The following ZBTB16 variants were observed in gnomAD, a reference collection of about 807,000 sequenced individuals.
ZBTB16 encodes the protein zinc finger and BTB domain containing 16.
In ZBTB16, 8 loss-of-function variants were observed where a neutral mutation model predicts 56.8. The ratio of observed to expected loss-of-function variants is 0.14; its 90% CI spans 0.08 to 0.25. ZBTB16 has a LOEUF of 0.25. Among genes scored for constraint, ZBTB16 ranks in the 10% least tolerant of loss-of-function variants. The pLI, the probability that ZBTB16 is intolerant of heterozygous loss-of-function variation, is 1.00. For synonymous variants in ZBTB16, 363 were observed against 368.5 expected, an observed-to-expected ratio of 0.98 and a Z score of 0.17; for missense variants, 625 against 903.0, an observed-to-expected ratio of 0.69 and a Z score of 3.95.
At chr11:114,085,481 C>T (rs1490269145) in intron 2 of ZBTB16, among the ~76,000 whole-genome samples, 2 of 150,216 alleles carry the variant, frequency 1.3e-5, no homozygotes, top group Admixed American at 6.7e-5. Context: ...ACAGAAATGA[C>T]AGCCATATGT....
chr11:114,199,864 C>T (rs1249135186), intron 4 of ZBTB16, among the ~76,000 whole-genome samples: 3 of 152,266 alleles, frequency 2.0e-5, no homozygotes, highest in Non-Finnish European at 4.4e-5. Context: ...CACGGTGGCT[C>T]ACACCTGTAA....
chr11:114,088,035 G>A (rs1234481386), intron 2 of ZBTB16, among the ~76,000 whole-genome samples: 2 of 151,950 alleles, frequency 1.3e-5, no homozygotes, highest in Non-Finnish European at 2.9e-5. Context: ...TCTCCTTGCA[G>A]CATCCTTTCC....
intron 2 of ZBTB16, among the ~76,000 whole-genome samples, chr11:114,065,424 T>C (rs1421013469): frequency 6.6e-6 from 1 of 151,164 alleles, no homozygotes; most frequent in African/African-American, 2.4e-5. Context: ...ATGTCCTTCT[T>C]TTTTTTTTGG....
chr11:114,105,623 A>G (rs1442323278), intron 2 of ZBTB16, among the ~76,000 whole-genome samples: 3 of 152,294 alleles, frequency 2.0e-5, no homozygotes, highest in Admixed American at 6.5e-5. Context: ...TTTTAGTTTC[A>G]TTTGAGACAG....
chr11:114,093,615 T>G (rs1409331156), intron 2 of ZBTB16, among the ~76,000 whole-genome samples: 14 of 152,194 alleles, frequency 9.2e-5, no homozygotes, highest in Admixed American at 2.6e-4. Context: ...CCTCCGAGGC[T>G]CTGTTTACCA....
intron 2 of ZBTB16, among the ~76,000 whole-genome samples, chr11:114,155,352 A>C (rs1332059681): frequency 6.6e-6 from 1 of 152,182 alleles, no homozygotes; most frequent in Non-Finnish European, 1.5e-5. Flanking sequence ...GGCAGCTTGG[A>C]GCCTCTCCCC....
chr11:114,080,153 C>T (rs1416952654), intron 2 of ZBTB16, among the ~76,000 whole-genome samples: 1 of 152,120 alleles, frequency 6.6e-6, no homozygotes, highest in Non-Finnish European at 1.5e-5. Context: ...TCTGACTCTG[C>T]CTCTTTGGAA....
chr11:114,214,297 C>T (rs1293277376), intron 4 of ZBTB16, among the ~76,000 whole-genome samples: 1 of 152,020 alleles, frequency 6.6e-6, no homozygotes, highest in Non-Finnish European at 1.5e-5. Flanking sequence ...GGAGATGGGA[C>T]TTGAAGTTTT....
intron 3 of ZBTB16, among the ~76,000 whole-genome samples, chr11:114,179,160 A>G (rs1943187356): frequency 6.6e-6 from 1 of 152,150 alleles, no homozygotes; most frequent in African/African-American, 2.4e-5. Flanking sequence ...CCTTTCAGCC[A>G]GGATTTGCTC....
intron 3 of ZBTB16, among the ~76,000 whole-genome samples, chr11:114,183,132 C>T (rs929659977): frequency 3.3e-5 from 5 of 152,050 alleles, no homozygotes; most frequent in African/African-American, 9.7e-5. Flanking sequence ...TCCGGGTGGG[C>T]GTGGGAGTAC....
intron 4 of ZBTB16, among the ~76,000 whole-genome samples, chr11:114,237,537 G>GC (rs895176015): frequency 3.9e-5 from 6 of 152,160 alleles, no homozygotes; most frequent in Non-Finnish European, 2.9e-5. Context: ...GTGCTGCCGG[G>GC]CCCCCCTGCC....
Position 114,250,549 on chromosome 11 carries a change from T to C in ZBTB16, c.2016T>C (p.Tyr672=). The C allele has an allele frequency of 6.2e-7, 1 of 1,613,528 alleles. No homozygotes were observed. Among genetic ancestry groups the C allele is most frequent in the Non-Finnish European group, 8.5e-7 (1 of 1,179,944 alleles). ...AGAAGACGTACCTCTACCTGTGCTA[T>C]GTGTGAAGGGAGGCCCGCGGCGGTG... ...RIEKTYLYLC[Y]V is the part of the protein sequence containing the mutation. Residue 672 remains tyrosine, a synonymous_variant, in exon 7 of 7, where the codon TAT becomes TAC. Transcript: ENST00000335953. The surrounding 1 kb of genome is among the most constrained non-coding windows in gnomAD (Gnocchi z 6.0).
At chr11:114,109,210 G>A (rs1241600488) in intron 2 of ZBTB16, among the ~76,000 whole-genome samples, 1 of 152,332 alleles carries the variant, frequency 6.6e-6, no homozygotes, top group Non-Finnish European at 1.5e-5. Flanking sequence ...TCTGAATGTG[G>A]CAGTTGTCTC....
At chr11:114,209,620 C>G (rs144009273) in intron 4 of ZBTB16, 2 of 985,430 alleles carry the variant, frequency 2.0e-6, no homozygotes, top group African/African-American at 3.5e-5. Flanking sequence ...GGGCTCTCCT[C>G]TGCCTTAGGG....
chr11:114,198,581 A>G (rs928961044), intron 4 of ZBTB16, among the ~76,000 whole-genome samples: 1 of 152,086 alleles, frequency 6.6e-6, no homozygotes, highest in African/African-American at 2.4e-5. Context: ...TAAATTAATA[A>G]ATTTCATTTT....
rs1445473531 is a variant in ZBTB16, at chr11:114,256,413, T to A, written c.*5858T>A. On this transcript the variant is annotated 3_prime_UTR_variant, in exon 7 of 7. Coordinates refer to ENST00000335953, the MANE Select transcript of ZBTB16 (RefSeq NM_006006.6). The stretch of plus-strand genomic sequence containing the variant: ...GCTGAGTCGGAATCCGTGGCTGTGT[T>A]AGGATAACTTGCTCAGGATTGCACG... Among the ~76,000 whole-genome samples the A allele has an allele frequency of 2.0e-5, 3 of 152,120 alleles. No homozygotes were observed. The highest frequency in any genetic ancestry group is 4.8e-5 in the African/African-American group (2 of 41,406).
rs1944372216 is a variant in ZBTB16, at chr11:114,228,379, T to TA, written c.1454-13787dup. 3.9e-5 allele frequency among the ~76,000 whole-genome samples: 6 copies of TA among 152,326 alleles called. No homozygotes were observed. In the South Asian group the frequency reaches 1.2e-3, roughly 32 times the overall value. On this transcript the variant is annotated intron_variant, in intron 4 of 6. Transcript: ENST00000335953. ...TAAAGTCTACCGGTGACCAAGTAGT[T>TA]ACCAGTACTGCCCATATGACTTGCT... is the stretch of plus-strand genomic sequence containing the variant.
chr11:114,124,161 A>C (rs1205285096), intron 2 of ZBTB16, among the ~76,000 whole-genome samples: 1 of 152,106 alleles, frequency 6.6e-6, no homozygotes, highest in Non-Finnish European at 1.5e-5. Context: ...TGCTCAATTT[A>C]GCAGTCACCG....
In ZBTB16 at chr11:114,233,131, T is replaced by A. The variant is rs3018312; in HGVS notation, c.1454-9036T>A. Among the ~76,000 whole-genome samples, 172 of 51,898 alleles carry A rather than the reference T, an allele frequency of 3.3e-3. 2 individuals carry two copies. Among genetic ancestry groups the A allele is most frequent in the South Asian group, 7.0e-3 (8 of 1,150 alleles). 34.0% of individuals were successfully genotyped at this position (51,898 alleles called of 152,430 possible). A position where few individuals can be genotyped will look rare whatever the true frequency, so the allele number is the denominator to read the frequency against. ...CACACACACACACACACACACTCTC[T>A]CTCTCTCACACTCCCTTTCCTTCTT... On this transcript the variant is annotated intron_variant, in intron 4 of 6. Transcript: ENST00000335953.
Sources: allele counts gnomAD v4.1 joint callset (sites outside exome capture counted in the v4.1 genomes callset), GRCh38; gene constraint gnomAD v4.1.1; non-coding constraint Gnocchi (gnomAD v3.1); transcripts MANE v1.5; gene names NCBI Gene and HGNC (gene_info 2026-07-23, HGNC 2026-07-21).